LIPJ: variants seen among roughly 807,000 people sequenced by gnomAD.
The protein encoded by LIPJ is lipase member J.
A neutral mutation model predicts 39.8 loss-of-function variants in LIPJ; 33 were observed. The observed-to-expected ratio is 0.83, with a 90% CI of 0.63 to 1.11. LIPJ has a LOEUF of 1.11. Ranked by LOEUF, LIPJ falls within the 50% of genes least tolerant of loss-of-function variation. The probability of loss-of-function intolerance (pLI) is 0.00; values close to 1 mark genes in which losing one functional copy is unlikely to be tolerated. For synonymous variants in LIPJ, 128 were observed against 139.2 expected (o/e 0.92, Z 0.57); for missense variants, 422 against 427.9 (o/e 0.99, Z 0.12).
chr10:88,613,800 A>ATGTGTGTGTG, the LIPJ span, among the ~76,000 whole-genome samples: 34 of 74,158 alleles, frequency 4.6e-4, 1 homozygote, highest in East Asian at 1.2e-3. Flanking sequence ...ATATATATAT[A>ATGTGTGTGTG]TGTGTGTGTG....
chr10:88,618,415 T>G, the LIPJ span: 1 of 152,428 alleles, frequency 6.6e-6, no homozygotes, highest in Non-Finnish European at 1.5e-5. Flanking sequence ...GATACCAGAT[T>G]TATCAAGAGA....
intron 9 of LIPJ, among the ~76,000 whole-genome samples, chr10:88,604,607 G>A (rs1237120297): frequency 1.3e-5 from 2 of 152,156 alleles, no homozygotes; most frequent in African/African-American, 2.4e-5. Context: ...AGAGGTGAGT[G>A]AGAAAGAGAG....
rs1215814734 is a variant in LIPJ at position 88,597,007 on chromosome 10, T to C, written c.723+71T>C. On this transcript the variant is annotated intron_variant, in intron 8 of 10. Transcript: ENST00000371939. ...GAAAGTATAATAATAATAGTGCTTG[T>C]GTTATACCTTGTGTCATTTTGTGTT... 2.7e-5 allele frequency: 23 copies of C among 851,002 alleles called. 1 individual carries two copies. The East Asian group carries it at 6.3e-4, about 23-fold the overall frequency. The allele number at this position is 851,002 out of a possible 1,614,324, so 52.7% of individuals were successfully genotyped here.
At chr10:88,602,043 C>A (rs537750265) in intron 8 of LIPJ, among the ~76,000 whole-genome samples, 1 of 152,132 alleles carries the variant, frequency 6.6e-6, no homozygotes, top group Non-Finnish European at 1.5e-5. Context: ...GAATTTGAGG[C>A]CCTTATGGAG....
exon 4 of LIPJ, chr10:88,591,495 C>G: frequency 6.3e-7 from 1 of 1,593,860 alleles, no homozygotes; most frequent in South Asian, 1.1e-5. Flanking sequence ...TAATAAAAAT[C>G]TAGGTAATAT....
intron 8 of LIPJ, among the ~76,000 whole-genome samples, chr10:88,600,391 G>C (rs766651697): frequency 5.3e-5 from 8 of 151,900 alleles, no homozygotes; most frequent in Non-Finnish European, 1.0e-4. Flanking sequence ...TGTATAGTCT[G>C]CTTTTAAATC....
chr10:88,605,762 A>G (rs1234195019), intron 10 of LIPJ, 58 bp downstream of exon 10: 1 of 1,078,630 alleles, frequency 9.3e-7, no homozygotes, highest in Admixed American at 1.8e-5. Context: ...TAACTTTGCT[A>G]TAGATCAAGG....
At chr10:88,606,533 C>A in intron 10 of LIPJ, 141 bp from the exon 11 acceptor site, 1 of 552,880 alleles carries the variant, frequency 1.8e-6, no homozygotes, top group Non-Finnish European at 3.2e-6. Flanking sequence ...ACCTTTGTCT[C>A]AACAGATCCA....
At chr10:88,620,103 C>CT in the LIPJ span, among the ~76,000 whole-genome samples, 2 of 151,180 alleles carry the variant, frequency 1.3e-5, no homozygotes, top group African/African-American at 2.4e-5. Context: ...TATGGGAAAA[C>CT]TTTTTTTTTG....
At chr10:88,597,035 A>G in intron 8 of LIPJ, 99 bp downstream of exon 8, 1 of 668,966 alleles carries the variant, frequency 1.5e-6, no homozygotes, top group Non-Finnish European at 2.5e-6. Context: ...TTTGTGTTTC[A>G]TCCACATACA....
At chr10:88,589,767 A>C (rs1222299134) in intron 2 of LIPJ, among the ~76,000 whole-genome samples, 7 of 151,854 alleles carry the variant, frequency 4.6e-5, no homozygotes, top group Non-Finnish European at 7.4e-5. Flanking sequence ...GACAGATATT[A>C]CACTAATACA....
chr10:88,596,770 AAAAT>A lies in LIPJ; in HGVS notation c.577-15_577-12del, dbSNP rs1470761926. The A allele has an allele frequency of 4.4e-6, 7 of 1,587,538 alleles. No individual in the cohort carries two copies. The highest frequency in any genetic ancestry group is 6.0e-6 in the Non-Finnish European group (7 of 1,164,162). ...TTATTGTGGTCATCCAAATGTGGAT[AAAAT>A]AAATTTATTTTACAGGCTTTTTCAG... is the stretch of plus-strand genomic sequence containing the variant. On this transcript the variant is annotated splice_polypyrimidine_tract_variant and intron_variant, in intron 7 of 10. Transcript: ENST00000371939.
At chr10:88,605,890 A>C (rs571907638) in intron 10 of LIPJ, among the ~76,000 whole-genome samples, 186 bp downstream of exon 10, 15 of 152,286 alleles carry the variant, frequency 9.8e-5, no homozygotes, top group African/African-American at 3.4e-4. Flanking sequence ...CATGTTTTCT[A>C]TGTATTTTAA....
intron 9 of LIPJ, among the ~76,000 whole-genome samples, chr10:88,603,470 A>T (rs188851133): frequency 1.3e-5 from 2 of 152,134 alleles, no homozygotes; most frequent in African/African-American, 4.8e-5. Flanking sequence ...TGATATTGAT[A>T]AAAAAAATCC....
chr10:88,608,253 A>G (rs753377289), downstream of LIPJ, among the ~76,000 whole-genome samples: 1 of 152,190 alleles, frequency 6.6e-6, no homozygotes, highest in Non-Finnish European at 1.5e-5. Context: ...AGACCTAACA[A>G]CGGGACTATA....
At chr10:88,593,638 T>C (rs1851154466) in intron 4 of LIPJ, 1 of 191,494 alleles carries the variant, frequency 5.2e-6, no homozygotes. Context: ...TAAAATGTGT[T>C]ACTTAAAATG....
intron 8 of LIPJ, among the ~76,000 whole-genome samples, chr10:88,598,800 A>C (rs1013944429): frequency 1.6e-4 from 24 of 151,804 alleles, no homozygotes. Context: ...TCTGGAGTGT[A>C]CCAGAAAACT....
chr10:88,586,214 T>C (rs1010231068), upstream of LIPJ, among the ~76,000 whole-genome samples: 12 of 152,210 alleles, frequency 7.9e-5, no homozygotes, highest in Non-Finnish European at 4.4e-5. Flanking sequence ...CCATAGTGGT[T>C]TGCAATTTCT....
At chr10:88,582,914 G>A (rs1056736344), upstream of LIPJ, among the ~76,000 whole-genome samples, 15 of 152,264 alleles carry the variant, frequency 9.9e-5, no homozygotes, top group African/African-American at 3.1e-4. Context: ...ATCACGTGAC[G>A]AGGCGCGCCA....
Sources: allele counts gnomAD v4.1 joint callset (sites outside exome capture counted in the v4.1 genomes callset), GRCh38; gene constraint gnomAD v4.1.1; transcripts MANE v1.5; gene names NCBI Gene and HGNC (gene_info 2026-07-23, HGNC 2026-07-21).